PZP: variants seen among roughly 807,000 people sequenced by gnomAD.
PZP encodes pregnancy zone protein.
A neutral mutation model predicts 179.8 loss-of-function variants in PZP; 150 were observed. The ratio of observed to expected loss-of-function variants is 0.83; its 90% CI spans 0.73 to 0.96. The LOEUF is 0.96. PZP is among the 40% of genes least tolerant of loss of function. The pLI, the probability that PZP is intolerant of heterozygous loss-of-function variation, is 0.00. For synonymous variants in PZP, 624 were observed against 652.3 expected, an observed-to-expected ratio of 0.96 and a Z score of 0.66; for missense variants, 1,689 against 1,764.0, an observed-to-expected ratio of 0.96 and a Z score of 0.76.
intron 26 of PZP, 125 bp from the exon 27 acceptor site, chr12:9,157,966 TC>T: frequency 2.1e-5 from 18 of 837,754 alleles, no homozygotes; most frequent in East Asian, 5.5e-5. Flanking sequence ...CTTCTCTCTC[TC>T]TCTCTCGACA....
At position 9,203,869 on chromosome 12, in the gene PZP, T is replaced by C; in HGVS notation, c.166A>G (p.Thr56Ala). 1 of 1,613,958 alleles carries C rather than the reference T, an allele frequency of 6.2e-7. No individual in the cohort carries two copies. The highest frequency in any genetic ancestry group is 2.2e-5 in the East Asian group (1 of 44,874). Residue 56 changes from threonine to alanine, a missense_variant, in exon 2 of 36, where the codon ACA (threonine) becomes GCA (alanine). Thr to Ala is a moderately conservative substitution (Grantham distance 58). Transcript: ENST00000261336. ...GCVLLSHLNE[T>A]VTVSASLESG... ...TCCAAGGAAGCACTTACAGTCACTG[T>C]CTCATTCAGGTGGCTCAGAAGGACA...
rs1477911498 is a variant in PZP, at chr12:9,153,137, A to G, written c.3981T>C (p.Cys1327=). The change falls in exon 30 of 36, where the codon TGT becomes TGC. Residue 1327 remains cysteine (C), a synonymous_variant. Transcript: ENST00000261336. ...EYVITVTGER[C]VYLQTSMKYN... ...CTTGGAGCCCTACCTGAAGATACAC[A>G]CATCTTTCCCCAGTTACTGTTATGA... The G allele has an allele frequency of 6.2e-7, 1 of 1,614,064 alleles. No individual in the cohort carries two copies. The highest frequency in any genetic ancestry group is 1.1e-5 in the South Asian group (1 of 91,078).
At chr12:9,190,291 A>G (rs1355561291) in intron 13 of PZP, among the ~76,000 whole-genome samples, 1 of 152,252 alleles carries the variant, frequency 6.6e-6, no homozygotes, top group Non-Finnish European at 1.5e-5. Flanking sequence ...AATGTGGTAC[A>G]TACACACCAT....
intron 4 of PZP, among the ~76,000 whole-genome samples, chr12:9,202,057 T>C (rs1944191767): frequency 6.6e-6 from 1 of 152,226 alleles, no homozygotes; most frequent in African/African-American, 2.4e-5. Context: ...TATGCTTCTT[T>C]AATATTCTTA....
At chr12:9,144,572 A>C (rs747472290), downstream of PZP, among the ~76,000 whole-genome samples, 36 of 152,158 alleles carry the variant, frequency 2.4e-4, no homozygotes, top group Admixed American at 1.2e-3. Flanking sequence ...ACAGTCAAAG[A>C]CAGGTTTATT....
At chr12:9,176,489 C>T (rs371189269) in intron 15 of PZP, among the ~76,000 whole-genome samples, 3 of 152,130 alleles carry the variant, frequency 2.0e-5, no homozygotes, top group South Asian at 2.1e-4. Flanking sequence ...ATAAATAAAA[C>T]GCAGTCCATA....
chr12:9,196,535 A>AT, intron 9 of PZP, 36 bp downstream of exon 9: 1 of 1,576,078 alleles, frequency 6.3e-7, no homozygotes. Flanking sequence ...AAAGTAAACT[A>AT]TTGTTTTATT....
Position 9,203,893 on chromosome 12 carries a change from C to T in PZP, c.142G>A (p.Val48Ile), listed in dbSNP as rs1944316569. ...LHTEAPKKGCVLLSHLNETVT... is the reference protein window; with the variant it reads ...LHTEAPKKGCILLSHLNETVT... ...GTCTCATTCAGGTGGCTCAGAAGGA[C>T]ACAGCCCTTCTTAGGGGCCTCAGTG... is the stretch of plus-strand genomic sequence containing the variant. Residue 48 changes from valine to isoleucine, a missense_variant, in exon 2 of 36, where the codon GTC (valine) becomes ATC (isoleucine). Physicochemically the swap from Val to Ile is conservative, Grantham distance 29. Transcript: ENST00000261336. 2 of 1,614,144 alleles carry T rather than the reference C, an allele frequency of 1.2e-6. No individual in the cohort carries two copies. Among genetic ancestry groups the T allele is most frequent in the East Asian group, 4.5e-5 (2 of 44,880 alleles).
chr12:9,157,128 T>C (rs771758661), intron 28 of PZP, 47 bp downstream of exon 28: 2 of 1,559,566 alleles, frequency 1.3e-6, no homozygotes, highest in Non-Finnish European at 8.8e-7. Context: ...CCCCTCCCTG[T>C]GTCTATGTGT....
chr12:9,169,511 A>T lies in PZP; in HGVS notation c.1920T>A (p.Cys640Ter). The T allele has an allele frequency of 6.2e-7, 1 of 1,612,426 alleles. No individual in the cohort carries two copies. The highest frequency in any genetic ancestry group is 2.2e-5 in the East Asian group (1 of 44,824). ...VDQQEEEQGHCPRPFFIHNGA... is the reference protein window; with the variant it reads ...VDQQEEEQGH ...CATTATGAATGAAGAAAGGACGGGG[A>T]CAGTGTCCTTGTTCTTCCTCCTGCT... Residue 640 changes from cysteine (C) to a stop codon, truncating the protein, a stop_gained, in exon 16 of 36, where the codon TGT (cysteine) becomes TGA (stop). Coordinates refer to ENST00000261336, the MANE Select transcript of PZP (RefSeq NM_002864.3). LOFTEE classifies it high-confidence loss of function.
chr12:9,182,213 C>T, intron 13 of PZP, 96 bp from the exon 14 acceptor site: 5 of 1,172,104 alleles, frequency 4.3e-6, no homozygotes, highest in South Asian at 2.2e-5. Flanking sequence ...GTCTTATCCA[C>T]TTGAGAACTG....
intron 35 of PZP, among the ~76,000 whole-genome samples, 178 bp from the exon 36 acceptor site, chr12:9,149,172 C>G (rs1387628491): frequency 2.0e-5 from 3 of 152,146 alleles, no homozygotes; most frequent in Admixed American, 6.5e-5. Context: ...ACAAAGGCAG[C>G]CATAGCCAAT....
At chr12:9,195,199 T>C (rs766532919) in intron 10 of PZP, among the ~76,000 whole-genome samples, 46 of 151,902 alleles carry the variant, frequency 3.0e-4, no homozygotes, top group Admixed American at 1.4e-3. Context: ...TCACATGTAC[T>C]CCCCAAAATT....
rs11833495 is a variant in PZP, at chr12:9,200,047, A to G, written c.755+317T>C. Among the ~76,000 whole-genome samples the G allele has an allele frequency of 9.7e-3, 1,480 of 152,274 alleles. 28 individuals are homozygous for G. Among genetic ancestry groups the G allele is most frequent in the African/African-American group, 0.034 (1,406 of 41,556 alleles). On this transcript the variant is annotated intron_variant, in intron 7 of 35. Coordinates refer to ENST00000261336, the MANE Select transcript of PZP (RefSeq NM_002864.3). The stretch of plus-strand genomic sequence containing the variant: ...TGATCGTGTTGTCGCAGAAGTGGAC[A>G]ATGTCTCTGTATTTTAGAGGTACAT...
chr12:9,197,637 T>A (rs1251836827), intron 7 of PZP, among the ~76,000 whole-genome samples: 5 of 67,788 alleles, frequency 7.4e-5, no homozygotes, highest in African/African-American at 1.2e-4. Context: ...ATATTATATA[T>A]TATATTATAT....
intron 21 of PZP, among the ~76,000 whole-genome samples, chr12:9,163,076 C>G (rs1941327309): frequency 6.6e-6 from 1 of 151,844 alleles, no homozygotes; most frequent in Non-Finnish European, 1.5e-5. Context: ...ATTGAAGAAC[C>G]AGGGAGGGTG....
chr12:9,183,159 A>AGAC (rs1942883342), intron 13 of PZP, among the ~76,000 whole-genome samples: 1 of 152,192 alleles, frequency 6.6e-6, no homozygotes. Context: ...CCTTAGGAAT[A>AGAC]TTTTACAAAG....
At chr12:9,189,587 A>T (rs1340999001) in intron 13 of PZP, among the ~76,000 whole-genome samples, 1 of 152,208 alleles carries the variant, frequency 6.6e-6, no homozygotes, top group Non-Finnish European at 1.5e-5. Context: ...AACTGCAAAG[A>T]TTTCATGAAG....
intron 18 of PZP, 50 bp downstream of exon 18, chr12:9,166,002 G>A: frequency 6.4e-7 from 1 of 1,551,958 alleles, no homozygotes; most frequent in Non-Finnish European, 8.7e-7. Context: ...AATGTTGGAG[G>A]AACCACATTC....
Sources: gnomAD v4.1 joint callset for allele counts (sites outside exome capture counted in the v4.1 genomes callset) on GRCh38, gnomAD v4.1.1 for gene constraint, MANE v1.5 for transcripts, NCBI Gene and HGNC (gene_info 2026-07-23, HGNC 2026-07-21) for gene names.